Variants in XYLT1 observed in about 807,000 individuals in gnomAD.
XYLT1 encodes xylosyltransferase 1, also known as beta-D-xylosyltransferase 1.
A neutral mutation model predicts 91.3 loss-of-function variants in XYLT1; 36 were observed. That is an observed-to-expected ratio of 0.39 (90% CI 0.30 to 0.52). The LOEUF (loss-of-function observed/expected upper bound fraction) is 0.52, where lower values mean the gene tolerates loss of function less well. Among genes scored for constraint, XYLT1 ranks in the 20% least tolerant of loss-of-function variants. The probability of loss-of-function intolerance (pLI) is 0.68; values close to 1 mark genes in which losing one functional copy is unlikely to be tolerated. For missense variants in XYLT1, 1,242 were observed against 1,284.5 expected, an observed-to-expected ratio of 0.97 and a Z score of 0.51; for synonymous variants, 588 against 532.0, an observed-to-expected ratio of 1.11 and a Z score of -1.45.
chr16:17,121,086 G>T (rs948486212), intron 10 of XYLT1, among the ~76,000 whole-genome samples: 1 of 152,100 alleles, frequency 6.6e-6, no homozygotes, highest in Non-Finnish European at 1.5e-5. Context: ...TGAACACATG[G>T]ACTTCCCTCC....
intron 2 of XYLT1, among the ~76,000 whole-genome samples, chr16:17,279,340 T>C (rs909872891): frequency 6.6e-6 from 1 of 152,186 alleles, no homozygotes. Flanking sequence ...GGAACACAAA[T>C]TGTAGCTGTT....
intron 3 of XYLT1, among the ~76,000 whole-genome samples, chr16:17,216,596 T>C (rs1288051139): frequency 1.3e-5 from 2 of 152,174 alleles, no homozygotes; most frequent in African/African-American, 4.8e-5. Flanking sequence ...TAAAAGCTCA[T>C]GTGGGTAGGA....
intron 2 of XYLT1, among the ~76,000 whole-genome samples, chr16:17,334,225 A>G (rs1309163553): frequency 6.6e-6 from 1 of 152,172 alleles, no homozygotes; most frequent in East Asian, 1.9e-4. Context: ...CAGCATAAAC[A>G]ACTTAGGCCG....
intron 2 of XYLT1, chr16:17,338,251 G>T (rs1384795724): frequency 2.8e-5 from 13 of 456,436 alleles, no homozygotes; most frequent in South Asian, 2.0e-4. Context: ...ATCTCAAACT[G>T]ATCTTGGACC....
At chr16:17,112,221 C>T (rs1219198488) in intron 11 of XYLT1, among the ~76,000 whole-genome samples, 3 of 152,210 alleles carry the variant, frequency 2.0e-5, no homozygotes, top group Admixed American at 6.5e-5. Context: ...CTCAATTCCA[C>T]CTCATCGGAT....
At chr16:17,308,471 C>T (rs989574716) in intron 2 of XYLT1, among the ~76,000 whole-genome samples, 2 of 152,216 alleles carry the variant, frequency 1.3e-5, no homozygotes, top group African/African-American at 2.4e-5. Flanking sequence ...CCTCTCCTCA[C>T]CCAGCTCCCT....
chr16:17,427,939 C>T (rs2036339565), intron 1 of XYLT1, among the ~76,000 whole-genome samples: 1 of 151,988 alleles, frequency 6.6e-6, no homozygotes, highest in Admixed American at 6.6e-5. Context: ...AATTTCAATC[C>T]ACACCTAACT....
chr16:17,421,330 C>T (rs2036249254), intron 1 of XYLT1, among the ~76,000 whole-genome samples: 1 of 152,202 alleles, frequency 6.6e-6, no homozygotes, highest in African/African-American at 2.4e-5. Context: ...GCTATATTTC[C>T]TATCCCATAT....
rs968326533 is a variant in XYLT1 at position 17,175,931 on chromosome 16, G to A, written c.1290-17022C>T. Among the ~76,000 whole-genome samples the A allele has an allele frequency of 2.6e-5, 4 of 151,908 alleles. No individual in the cohort carries two copies. The South Asian group carries it at 8.4e-4, about 32-fold the overall frequency. On this transcript the variant is annotated intron_variant, in intron 5 of 11. Transcript: ENST00000261381. ...GAATGTTTTCTGTTTTCATGGTGGT[G>A]AAATCTGAAAACGTCTCTAGGTGAA...
chr16:17,401,678 T>C (rs1201646494), intron 1 of XYLT1, among the ~76,000 whole-genome samples: 1 of 152,104 alleles, frequency 6.6e-6, no homozygotes, highest in Admixed American at 6.6e-5. Flanking sequence ...CCTGGCCTAG[T>C]TGTTCAATGA....
intron 5 of XYLT1, among the ~76,000 whole-genome samples, chr16:17,160,582 G>C (rs1314443684): frequency 6.6e-6 from 1 of 152,182 alleles, no homozygotes; most frequent in African/African-American, 2.4e-5. Flanking sequence ...GCAGGCACCA[G>C]AAACACCCCG....
In XYLT1 at chr16:17,316,169, G is replaced by A. The variant is rs76834138; in HGVS notation, c.402+41843C>T. The stretch of plus-strand genomic sequence containing the variant: ...TTCTAGGCTGTGGAACCAAACAGTG[G>A]AATCCACAGGAAATTAAGCTTATTG... On this transcript the variant is annotated intron_variant, in intron 2 of 11. Coordinates refer to ENST00000261381, the MANE Select transcript of XYLT1 (RefSeq NM_022166.4). Among the ~76,000 whole-genome samples, 555 of 152,304 alleles carry A rather than the reference G, an allele frequency of 3.6e-3. 4 individuals are homozygous for A. The highest frequency in any genetic ancestry group is 5.2e-3 in the Non-Finnish European group (356 of 68,022).
intron 1 of XYLT1, among the ~76,000 whole-genome samples, chr16:17,459,189 T>G (rs563786443): frequency 9.9e-5 from 15 of 151,794 alleles, no homozygotes; most frequent in Non-Finnish European, 1.8e-4. Context: ...CTGGGCAACA[T>G]AGCAAAACCC....
intron 1 of XYLT1, among the ~76,000 whole-genome samples, chr16:17,438,805 A>G (rs1179943633): frequency 6.6e-6 from 1 of 152,076 alleles, no homozygotes; most frequent in African/African-American, 2.4e-5. Flanking sequence ...ACTCATTATC[A>G]CGAGAACAGT....
intron 5 of XYLT1, among the ~76,000 whole-genome samples, chr16:17,178,300 TA>T (rs1298343990): frequency 2.0e-5 from 3 of 152,098 alleles, no homozygotes; most frequent in African/African-American, 7.2e-5. Context: ...TGCTGTTTAA[TA>T]AGGGGTTCAG....
At chr16:17,179,171 G>T (rs144216123) in intron 5 of XYLT1, among the ~76,000 whole-genome samples, 40 of 152,266 alleles carry the variant, frequency 2.6e-4, no homozygotes, top group African/African-American at 9.4e-4. Context: ...CGCTTGTAAG[G>T]GGGAGCTAAA....
At chr16:17,432,916 T>C (rs552120268) in intron 1 of XYLT1, among the ~76,000 whole-genome samples, 4 of 152,232 alleles carry the variant, frequency 2.6e-5, no homozygotes, top group African/African-American at 7.2e-5. Flanking sequence ...TATTTGATTT[T>C]TACAGTGAAC....
chr16:17,277,018 G>C (rs1299815951), intron 2 of XYLT1, among the ~76,000 whole-genome samples: 1 of 152,166 alleles, frequency 6.6e-6, no homozygotes, highest in Non-Finnish European at 1.5e-5. Flanking sequence ...TTCATTCACA[G>C]ATATTTACTG....
chr16:17,328,796 C>A (rs921378709), intron 2 of XYLT1, among the ~76,000 whole-genome samples: 1 of 152,082 alleles, frequency 6.6e-6, no homozygotes, highest in Non-Finnish European at 1.5e-5. Context: ...CACACACATT[C>A]AGCGTACTCT....
Sources: allele counts gnomAD v4.1 joint callset (sites outside exome capture counted in the v4.1 genomes callset), GRCh38; gene constraint gnomAD v4.1.1; transcripts MANE v1.5; gene names NCBI Gene and HGNC (gene_info 2026-07-23, HGNC 2026-07-21).